Variants in KDM4B observed in about 807,000 individuals in gnomAD.
KDM4B encodes the protein lysine demethylase 4B, also known as lysine-specific demethylase 4B.
In KDM4B, 32 loss-of-function variants were observed where a neutral mutation model predicts 125.2. The observed-to-expected ratio is 0.26, with a 90% CI of 0.19 to 0.34. KDM4B has a LOEUF of 0.34. Ranked by LOEUF, KDM4B falls within the 10% of genes least tolerant of loss-of-function variation. The probability of loss-of-function intolerance (pLI) is 1.00; values close to 1 mark genes in which losing one functional copy is unlikely to be tolerated. For synonymous variants in KDM4B, 721 were observed against 677.9 expected (o/e 1.06, Z -0.99); for missense variants, 1,190 against 1,577.7 (o/e 0.75, Z 4.16).
At chr19:5,083,648 GCCCAGCTCCT>G (rs199754596) in intron 9 of KDM4B, among the ~76,000 whole-genome samples, 2,141 of 152,318 alleles carry the variant, frequency 0.014, 15 homozygotes, top group Non-Finnish European at 0.024. Flanking sequence ...GCATTGAACA[GCCCAGCTCCT>G]CCCAGCCCCT....
chr19:5,137,244 G>T lies in KDM4B; in HGVS notation c.2309-18G>T. On this transcript the variant is annotated intron_variant, in intron 15 of 22. Transcript: ENST00000159111. ...TCACCTGCCCCCCAGATCTCAGCCA[G>T]CCCCCGCTGTCTTCCAGGTTGCTAT... The T allele has an allele frequency of 1.3e-6, 2 of 1,557,108 alleles. No individual in the cohort carries two copies. Among genetic ancestry groups the T allele is most frequent in the Admixed American group, 1.9e-5 (1 of 51,880 alleles).
At chr19:5,016,685 C>G (rs1158783695) in intron 2 of KDM4B, among the ~76,000 whole-genome samples, 1 of 152,240 alleles carries the variant, frequency 6.6e-6, no homozygotes, top group Non-Finnish European at 1.5e-5. Context: ...TGCATCGGCC[C>G]TGGGGACACC....
chr19:5,070,176 C>T lies in KDM4B; in HGVS notation c.627-834C>T, dbSNP rs550498632. On this transcript the variant is annotated intron_variant, in intron 6 of 22. Transcript: ENST00000159111. Reference sequence around the variant, plus strand: ...TGCCCTCAAGTCCCTGAGGCCCTGTCCTCGTCCCCTTCGCTTGGAAATTGA... The same window carrying T: ...TGCCCTCAAGTCCCTGAGGCCCTGTTCTCGTCCCCTTCGCTTGGAAATTGA... Among the ~76,000 whole-genome samples the T allele has an allele frequency of 6.9e-4, 105 of 152,288 alleles. 1 individual carries two copies. The highest frequency in any genetic ancestry group is 1.3e-3 in the Non-Finnish European group (91 of 68,024).
intron 21 of KDM4B, among the ~76,000 whole-genome samples, chr19:5,147,332 C>T (rs549454804): frequency 6.6e-6 from 1 of 152,332 alleles, no homozygotes; most frequent in South Asian, 2.1e-4. Flanking sequence ...GCTGACGCAG[C>T]CCCCACCCTG....
intron 6 of KDM4B, among the ~76,000 whole-genome samples, chr19:5,054,278 C>G (rs886897552): frequency 2.0e-5 from 3 of 152,118 alleles, no homozygotes; most frequent in Admixed American, 1.3e-4. Flanking sequence ...ACGGGGTCTC[C>G]CCGTGTTGCC....
chr19:4,970,880 G>T (rs2034233717), intron 1 of KDM4B, among the ~76,000 whole-genome samples: 1 of 152,172 alleles, frequency 6.6e-6, no homozygotes. Flanking sequence ...CCGTGTGTCT[G>T]ATTGGACACC....
At chr19:5,040,298 T>C (rs1271899709) in intron 4 of KDM4B, among the ~76,000 whole-genome samples, 1 of 152,146 alleles carries the variant, frequency 6.6e-6, no homozygotes, top group African/African-American at 2.4e-5. Flanking sequence ...CACACCCTCC[T>C]GTGACACCTG....
Position 5,132,012 on chromosome 19 carries a change from G to T in KDM4B, c.1906+5G>T. The stretch of plus-strand genomic sequence containing the variant: ...AGGAGGCCTCAAGTGACGAGGGTGA[G>T]TGGGGGGTCCCCAGGTCGGCTCTCA... On this transcript the variant is annotated splice_donor_5th_base_variant and intron_variant, in intron 13 of 22. Transcript: ENST00000159111. 1 of 1,602,784 alleles carries T rather than the reference G, an allele frequency of 6.2e-7. No homozygotes were observed. The highest frequency in any genetic ancestry group is 1.1e-5 in the South Asian group (1 of 89,784).
At chr19:5,001,599 T>A (rs750805223) in intron 1 of KDM4B, among the ~76,000 whole-genome samples, 9 of 152,298 alleles carry the variant, frequency 5.9e-5, no homozygotes, top group Middle Eastern at 3.4e-3. Flanking sequence ...CATGGTAGAT[T>A]TTCGTGAGTG....
At chr19:5,091,886 T>C (rs1192444389) in intron 9 of KDM4B, among the ~76,000 whole-genome samples, 1 of 151,224 alleles carries the variant, frequency 6.6e-6, no homozygotes, top group Non-Finnish European at 1.5e-5. Context: ...TTTATGGCGT[T>C]GTGGGGCTGG....
At position 5,014,272 on chromosome 19, in the gene KDM4B, G is replaced by GTGTTT. The variant is rs566641543; in HGVS notation, c.-108-1968_-108-1964dup. The stretch of plus-strand genomic sequence containing the variant: ...GGCACATGCTACCACACCCGGCTAA[G>GTGTTT]TGTTTTGTTTTGTTTTGTTTTTGAG... On this transcript the variant is annotated intron_variant, in intron 1 of 22. Transcript: ENST00000159111. Among the ~76,000 whole-genome samples the GTGTTT allele has an allele frequency of 3.8e-4, 58 of 152,198 alleles. No homozygotes were observed. The South Asian group carries it at 8.5e-3, about 22-fold the overall frequency.
At chr19:5,058,003 G>A (rs1207059685) in intron 6 of KDM4B, among the ~76,000 whole-genome samples, 2 of 152,234 alleles carry the variant, frequency 1.3e-5, no homozygotes, top group Non-Finnish European at 2.9e-5. Context: ...GGGCTGCTTA[G>A]GGGGCCATGT....
chr19:5,070,955 C>G, intron 6 of KDM4B, 55 bp from the exon 7 acceptor site: 1 of 1,591,830 alleles, frequency 6.3e-7, no homozygotes, highest in Non-Finnish European at 8.6e-7. Flanking sequence ...CCAGGGACAC[C>G]CCCTTGCGTG....
chr19:5,091,913 G>A (rs1421401009), intron 9 of KDM4B, among the ~76,000 whole-genome samples: 1 of 152,198 alleles, frequency 6.6e-6, no homozygotes, highest in South Asian at 2.1e-4. Context: ...CGTGTGTGCC[G>A]CAAACTGCTG....
chr19:4,977,523 C>A (rs968492382), intron 1 of KDM4B, among the ~76,000 whole-genome samples: 2 of 152,222 alleles, frequency 1.3e-5, no homozygotes, highest in South Asian at 2.1e-4. Flanking sequence ...GTGCTGGCAC[C>A]TTCCGAGCCG....
intron 11 of KDM4B, among the ~76,000 whole-genome samples, chr19:5,128,376 C>A (rs940346014): frequency 1.3e-5 from 2 of 152,168 alleles, no homozygotes; most frequent in African/African-American, 4.8e-5. Flanking sequence ...TGGGCCAGAT[C>A]CCACGCCAGC....
chr19:5,104,071 T>G (rs1164592371), intron 9 of KDM4B, among the ~76,000 whole-genome samples: 4 of 152,170 alleles, frequency 2.6e-5, no homozygotes, highest in African/African-American at 9.7e-5. Context: ...TGGGAAAAAG[T>G]GTCCTGTGGC....
At chr19:5,118,871 G>A (rs899680781) in intron 10 of KDM4B, among the ~76,000 whole-genome samples, 21 of 152,298 alleles carry the variant, frequency 1.4e-4, no homozygotes, top group African/African-American at 2.2e-4. Flanking sequence ...TGCAGGATGC[G>A]CCTCCTCTTG....
chr19:5,070,516 A>C (rs1230444140), intron 6 of KDM4B: 1 of 153,388 alleles, frequency 6.5e-6, no homozygotes, highest in Non-Finnish European at 1.5e-5. Flanking sequence ...TCATTTCCAA[A>C]GCTGCTTTTT....
Sources: allele counts gnomAD v4.1 joint callset (sites outside exome capture counted in the v4.1 genomes callset), GRCh38; gene constraint gnomAD v4.1.1; transcripts MANE v1.5; gene names NCBI Gene and HGNC (gene_info 2026-07-23, HGNC 2026-07-21).